The following FANCM variants were observed in gnomAD, a reference collection of about 807,000 sequenced individuals.
The protein encoded by FANCM is Fanconi anemia group M protein.
Under a neutral mutation model 199.5 loss-of-function variants are expected in FANCM, and 140 were observed. That is an observed-to-expected ratio of 0.70 (90% CI 0.61 to 0.81). The LOEUF is 0.81. Ranked by LOEUF, FANCM falls within the 30% of genes least tolerant of loss-of-function variation. The pLI is 0.00. For missense variants in FANCM, 2,410 were observed against 2,421.4 expected (o/e 1.00, Z 0.10); for synonymous variants, 840 against 836.8 (o/e 1.00, Z -0.07).
Position 45,176,330 on chromosome 14 carries a change from T to G in FANCM, c.3576T>G (p.Asp1192Glu). The G allele has an allele frequency of 6.2e-7, 1 of 1,613,916 alleles. No individual in the cohort carries two copies. The highest frequency in any genetic ancestry group is 1.1e-5 in the South Asian group (1 of 91,078). Residue 1192 changes from aspartate to glutamate, a missense_variant, in exon 14 of 23, where the codon GAT (aspartate) becomes GAG (glutamate). Physicochemically the swap from Asp to Glu is conservative, Grantham distance 45. Transcript: ENST00000267430. ...LLLDNNSELQDQITRDANSFK... is the reference protein window; with the variant it reads ...LLLDNNSELQEQITRDANSFK... ...TGGACAATAATTCTGAACTCCAAGATCAAATCACCCGTGATGCTAATAGTT... is the reference window on the plus strand; with the variant it reads ...TGGACAATAATTCTGAACTCCAAGAGCAAATCACCCGTGATGCTAATAGTT...
intron 17 of FANCM, 26 bp downstream of exon 17, chr14:45,183,928 A>G: frequency 6.6e-7 from 1 of 1,523,112 alleles, no homozygotes; most frequent in Non-Finnish European, 9.1e-7. Flanking sequence ...GTTTCTTTAA[A>G]TATGTATGCA....
intron 9 of FANCM, 80 bp from the exon 10 acceptor site, chr14:45,164,279 G>A (rs1255248808): frequency 6.0e-6 from 7 of 1,165,396 alleles, no homozygotes; most frequent in East Asian, 2.4e-5. Context: ...CTATTTTTCA[G>A]GTGAGTGGGG....
At chr14:45,172,219 G>A (rs1434687878) in intron 12 of FANCM, among the ~76,000 whole-genome samples, 1 of 152,122 alleles carries the variant, frequency 6.6e-6, no homozygotes, top group Non-Finnish European at 1.5e-5. Context: ...CTCCTACCCT[G>A]TGGGTTGTCT....
Position 45,189,066 on chromosome 14 carries a change from G to A in FANCM, c.5044G>A (p.Asp1682Asn), listed in dbSNP as rs1448480428. 1 of 1,614,156 alleles carries A rather than the reference G, an allele frequency of 6.2e-7. No homozygotes were observed. The highest frequency in any genetic ancestry group is 8.5e-7 in the Non-Finnish European group (1 of 1,179,976). The change falls in exon 20 of 23, where the codon GAT becomes AAT. Residue 1682 changes from aspartate (D) to asparagine (N), a missense_variant. Coordinates refer to ENST00000267430, the MANE Select transcript of FANCM (RefSeq NM_020937.4). Reference sequence around the variant, plus strand: ...AAGTGAGGAGGAGAACAATGTAAATGATAAAAGAGAATCTAATATTGCGGT... The same window carrying A: ...AAGTGAGGAGGAGAACAATGTAAATAATAAAAGAGAATCTAATATTGCGGT... The part of the protein sequence containing the change: ...DSSEEENNVN[D>N]KRESNIAVNP...
chr14:45,189,493 T>C (rs1006201439), intron 20 of FANCM, 131 bp downstream of exon 20: 3 of 698,908 alleles, frequency 4.3e-6, no homozygotes, highest in Non-Finnish European at 7.3e-6. Flanking sequence ...GCAGAAAATG[T>C]CTTCAAACAA....
At position 45,198,895 on chromosome 14, in the gene FANCM, ATG is replaced by A; in HGVS notation, c.5972_5973del (p.Cys1991SerfsTer11). The A allele has an allele frequency of 6.2e-7, 1 of 1,611,224 alleles. No homozygotes were observed. Among genetic ancestry groups the A allele is most frequent in the Middle Eastern group, 1.7e-4 (1 of 6,056 alleles). On this transcript the variant is annotated frameshift_variant, in exon 22 of 23. Coordinates refer to ENST00000267430, the MANE Select transcript of FANCM (RefSeq NM_020937.4). LOFTEE classifies it high-confidence loss of function. ...TATAAGTTATATAACTGCATTAAATATGTGTCACCAGTTTTCATCTGTGAAAA... is the reference window on the plus strand; with the variant it reads ...TATAAGTTATATAACTGCATTAAATATGTCACCAGTTTTCATCTGTGAAAA... Reference protein sequence around the residue: ...PNISYITALNMCHQFSSVKRM... With the variant: ...PNISYITALNXCHQFSSVKRM...
At position 45,196,146 on chromosome 14, in the gene FANCM, G is replaced by T. The variant is rs765356760; in HGVS notation, c.5341-26G>T. On this transcript the variant is annotated intron_variant, in intron 20 of 22. Transcript: ENST00000267430. The stretch of plus-strand genomic sequence containing the variant: ...GCATTTTTATGCATTTAACCTGAAT[G>T]TGACCAGTGTTTTCCACTTTTTCAG... The T allele has an allele frequency of 3.1e-6, 5 of 1,613,544 alleles. No homozygotes were observed. The East Asian group carries it at 1.1e-4, about 36-fold the overall frequency.
chr14:45,148,405 C>T (rs1437419955), intron 3 of FANCM, among the ~76,000 whole-genome samples: 1 of 152,028 alleles, frequency 6.6e-6, no homozygotes, highest in African/African-American at 2.4e-5. Context: ...GCTTTGGGTA[C>T]ATGAAATTTA....
intron 21 of FANCM, among the ~76,000 whole-genome samples, chr14:45,197,725 A>G (rs1170528696): frequency 2.7e-5 from 4 of 149,130 alleles, no homozygotes; most frequent in African/African-American, 7.4e-5. Flanking sequence ...TCAGCCTTCC[A>G]AAGTGCTGGG....
chr14:45,167,393 C>T (rs1888061740), intron 11 of FANCM: 2 of 504,912 alleles, frequency 4.0e-6, no homozygotes, highest in East Asian at 3.6e-5. Flanking sequence ...CATACCCTAC[C>T]AACCCAGAGA....
In FANCM at chr14:45,184,940, AT is replaced by A. The variant is rs1176189406; in HGVS notation, c.4516-262del. On this transcript the variant is annotated intron_variant, in intron 17 of 22. Transcript: ENST00000267430. ...AGGCATGCGCCACCACACCCTGCCA[AT>A]TTTTTTTTTTTTTTGTATTTTGTAA... 0.099 allele frequency among the ~76,000 whole-genome samples: 13,701 copies of A among 138,958 alleles called. 715 individuals are homozygous for A. The highest frequency in any genetic ancestry group is 0.2 in the South Asian group (889 of 4,364). The allele number at this position is 138,958 out of a possible 152,430, so 91.2% of individuals were successfully genotyped here. A position where few individuals can be genotyped will look rare whatever the true frequency, so the allele number is the denominator to read the frequency against.
At position 45,198,865 on chromosome 14, in the gene FANCM, C is replaced by A. The variant is rs1351046512; in HGVS notation, c.5938C>A (p.Pro1980Thr). 6.2e-7 allele frequency: 1 copy of A among 1,611,356 alleles called. No homozygotes were observed. Among genetic ancestry groups the A allele is most frequent in the East Asian group, 2.2e-5 (1 of 44,830 alleles). The change falls in exon 22 of 23, where the codon CCC becomes ACC. Residue 1980 changes from proline (P) to threonine (T), a missense_variant. Pro to Thr is a conservative substitution (Grantham distance 38). Transcript: ENST00000267430. ...SEALQFYLSI[P>T]NISYITALNM... The stretch of plus-strand genomic sequence containing the variant: ...GGCACTCCAGTTTTATTTAAGTATT[C>A]CCAATATAAGTTATATAACTGCATT...
intron 12 of FANCM, among the ~76,000 whole-genome samples, chr14:45,172,460 C>G (rs1305613674): frequency 1.3e-5 from 2 of 152,162 alleles, no homozygotes; most frequent in Non-Finnish European, 2.9e-5. Flanking sequence ...TTTCATTCTT[C>G]TGCATGTGGC....
intron 3 of FANCM, among the ~76,000 whole-genome samples, chr14:45,148,433 A>G (rs1206720823): frequency 6.6e-6 from 1 of 152,180 alleles, no homozygotes; most frequent in Non-Finnish European, 1.5e-5. Flanking sequence ...AAATATATTC[A>G]CATCATATAT....
At position 45,173,093 on chromosome 14, in the gene FANCM, C is replaced by G. The variant is rs773787069; in HGVS notation, c.2199C>G (p.Leu733=). 2 of 1,611,612 alleles carry G rather than the reference C, an allele frequency of 1.2e-6. No homozygotes were observed. The highest frequency in any genetic ancestry group is 1.1e-5 in the South Asian group (1 of 91,024). The change falls in exon 13 of 23, where the codon CTC becomes CTG. Residue 733 remains leucine (L), a synonymous_variant. Transcript: ENST00000267430. The part of the protein sequence containing the change: ...ESTTGIHQLS[L]SEWRLWQDHP... ...CCACTGGAATTCATCAACTCTCTCT[C>G]TCTGAATGGAGACTGTGGCAAGATC...
chr14:45,146,766 G>C (rs2139142608), intron 3 of FANCM, among the ~76,000 whole-genome samples: 1 of 148,526 alleles, frequency 6.7e-6, no homozygotes, highest in African/African-American at 2.5e-5. Context: ...CTGGGAGGCG[G>C]AGCTTGCAGT....
Position 45,135,974 on chromosome 14 carries a change from C to T in FANCM, c.-58C>T, listed in dbSNP as rs555769036. The T allele has an allele frequency of 6.3e-7, 1 of 1,585,286 alleles. No homozygotes were observed. The highest frequency in any genetic ancestry group is 1.3e-5 in the African/African-American group (1 of 74,510). ...AAACCGATGGGGATCGGAACCGTAGCGGTTGAGCTGCTGCTGCTACGGATA... is the reference window on the plus strand; with the variant it reads ...AAACCGATGGGGATCGGAACCGTAGTGGTTGAGCTGCTGCTGCTACGGATA... On this transcript the variant is annotated 5_prime_UTR_variant, in exon 1 of 23. Coordinates refer to ENST00000267430, the MANE Select transcript of FANCM (RefSeq NM_020937.4).
intron 21 of FANCM, 73 bp from the exon 22 acceptor site, chr14:45,198,571 A>ATC: frequency 2.1e-6 from 2 of 962,268 alleles, no homozygotes; most frequent in South Asian, 2.2e-5. Flanking sequence ...GATTTTAATA[A>ATC]AATAAAGTAT....
chr14:45,153,833 A>G, intron 5 of FANCM, 87 bp from the exon 6 acceptor site: 1 of 984,566 alleles, frequency 1.0e-6, no homozygotes, highest in Non-Finnish European at 1.6e-6. Flanking sequence ...TATAAATGTT[A>G]CACTGACTAT....
Sources: allele counts gnomAD v4.1 joint callset (sites outside exome capture counted in the v4.1 genomes callset), GRCh38; gene constraint gnomAD v4.1.1; transcripts MANE v1.5; gene names NCBI Gene and HGNC (gene_info 2026-07-23, HGNC 2026-07-21).